The following SESN2 variants were observed in gnomAD, a reference collection of about 807,000 sequenced individuals.
SESN2 encodes sestrin 2.
Under a neutral mutation model 56.0 loss-of-function variants are expected in SESN2, and 42 were observed. The ratio of observed to expected loss-of-function variants is 0.75; its 90% CI spans 0.59 to 0.97. The LOEUF is 0.97. Ranked by LOEUF, SESN2 falls within the 50% of genes least tolerant of loss-of-function variation. SESN2 has a pLI of 0.00. For missense variants in SESN2, 507 were observed against 649.4 expected, an observed-to-expected ratio of 0.78 and a Z score of 2.38; for synonymous variants, 264 against 267.1, an observed-to-expected ratio of 0.99 and a Z score of 0.11.
At chr1:28,264,552 C>T (rs1647493393) in intron 1 of SESN2, among the ~76,000 whole-genome samples, 1 of 128,904 alleles carries the variant, frequency 7.8e-6, no homozygotes, top group Non-Finnish European at 1.6e-5. Flanking sequence ...CCTGACCCCT[C>T]TGTGTTGCAC....
intron 9 of SESN2, among the ~76,000 whole-genome samples, chr1:28,280,227 A>G (rs1016773869): frequency 1.3e-5 from 2 of 152,096 alleles, no homozygotes; most frequent in Admixed American, 6.6e-5. Flanking sequence ...GGGAATAAAT[A>G]CTGCTGTATT....
chr1:28,272,069 G>A (rs930705873), intron 3 of SESN2, among the ~76,000 whole-genome samples, 198 bp downstream of exon 3: 2 of 152,126 alleles, frequency 1.3e-5, no homozygotes, highest in Admixed American at 1.3e-4. Flanking sequence ...GAAAGGCATC[G>A]TTAGTGCTTG....
chr1:28,260,419 C>T (rs1242073594), intron 1 of SESN2, among the ~76,000 whole-genome samples: 1 of 152,114 alleles, frequency 6.6e-6, no homozygotes, highest in Admixed American at 6.5e-5. Flanking sequence ...GGCTCCTGTC[C>T]CCCAGCGCGG....
chr1:28,279,648 C>T (rs1447016639), intron 9 of SESN2, among the ~76,000 whole-genome samples: 5 of 150,958 alleles, frequency 3.3e-5, no homozygotes, highest in Admixed American at 1.3e-4. Context: ...CAAGTTCAAG[C>T]GATTCTCCTG....
intron 1 of SESN2, among the ~76,000 whole-genome samples, chr1:28,265,862 A>G (rs1294883101): frequency 6.6e-6 from 1 of 152,052 alleles, no homozygotes; most frequent in Non-Finnish European, 1.5e-5. Flanking sequence ...TCTTCTCATC[A>G]TTTAGATAAC....
At position 28,273,356 on chromosome 1, in the gene SESN2, A is replaced by G. The variant is rs113780253; in HGVS notation, c.751-2A>G. 6.3e-7 allele frequency: 1 copy of G among 1,584,516 alleles called. No individual in the cohort carries two copies. Among genetic ancestry groups the G allele is most frequent in the Non-Finnish European group, 8.6e-7 (1 of 1,164,936 alleles). ...CTGGTCACCACGGGGCCTCTCCTGC[A>G]GGGCTTTGAGTCTGCCCGCGACGTG... On this transcript the variant is annotated splice_acceptor_variant, in intron 5 of 9. Transcript: ENST00000253063. LOFTEE classifies it high-confidence loss of function.
chr1:28,276,898 AATTT>A (rs1188851601), intron 8 of SESN2, among the ~76,000 whole-genome samples: 1 of 96,094 alleles, frequency 1.0e-5, no homozygotes, highest in Non-Finnish European at 2.1e-5. Flanking sequence ...TTTTTTTTTT[AATTT>A]ATTTATTTAT....
chr1:28,267,340 A>G (rs1303983960), intron 1 of SESN2, among the ~76,000 whole-genome samples: 1 of 152,200 alleles, frequency 6.6e-6, no homozygotes, highest in Non-Finnish European at 1.5e-5. Flanking sequence ...CCAGTTTAGT[A>G]GGTAAAGAGA....
In SESN2 at chr1:28,272,760, C is replaced by T. The variant is rs781477569; in HGVS notation, c.717C>T (p.Ser239=). ...CTACACCCCCTAGTGAACAGAGCAG[C>T]CCCCCAAGCAGGGACCCGTTGAACA... ...QAPTPPSEQS[S]PPSRDPLNNS... The change falls in exon 5 of 10, where the codon AGC becomes AGT. Residue 239 remains serine (S), a synonymous_variant. Coordinates refer to ENST00000253063, the MANE Select transcript of SESN2 (RefSeq NM_031459.5). 1.2e-6 allele frequency: 2 copies of T among 1,606,290 alleles called. No individual in the cohort carries two copies. Among genetic ancestry groups the T allele is most frequent in the East Asian group, 2.2e-5 (1 of 44,828 alleles).
Position 28,271,647 on chromosome 1 carries a change from C to G in SESN2, c.157-27C>G, listed in dbSNP as rs777797835. The G allele has an allele frequency of 9.4e-6, 15 of 1,590,116 alleles. No individual in the cohort carries two copies. The South Asian group carries it at 1.4e-4, about 15-fold the overall frequency. On this transcript the variant is annotated intron_variant, in intron 2 of 9. Transcript: ENST00000253063. ...TGATGAGTGGGGCAGGAGGGAAACCCATGCTCTCCTCCCCTTTGGTTGGCA... is the reference window on the plus strand; with the variant it reads ...TGATGAGTGGGGCAGGAGGGAAACCGATGCTCTCCTCCCCTTTGGTTGGCA...
In SESN2 at chr1:28,271,878, C is replaced by G. The variant is rs1201526933; in HGVS notation, c.354+7C>G. On this transcript the variant is annotated splice_region_variant and intron_variant, in intron 3 of 9. Transcript: ENST00000253063. Reference sequence around the variant, plus strand: ...CCACTACATTGCCATCATGGTGAGCCTCTCTGGGCCTGACACTTGGAGAGG... The same window carrying G: ...CCACTACATTGCCATCATGGTGAGCGTCTCTGGGCCTGACACTTGGAGAGG... 1.2e-6 allele frequency: 2 copies of G among 1,613,742 alleles called. No individual in the cohort carries two copies. Among genetic ancestry groups the G allele is most frequent in the Admixed American group, 1.7e-5 (1 of 59,998 alleles).
chr1:28,276,878 CTTT>C (rs56403975), intron 8 of SESN2, among the ~76,000 whole-genome samples: 10 of 117,958 alleles, frequency 8.5e-5, no homozygotes, highest in Non-Finnish European at 1.8e-4. Flanking sequence ...TGCGCCCAGC[CTTT>C]TTTTTTTTTT....
At position 28,273,367 on chromosome 1, in the gene SESN2, T is replaced by G. The variant is rs182740317; in HGVS notation, c.760T>G (p.Ser254Ala). The change falls in exon 6 of 10, where the codon TCT (serine) becomes GCT (alanine). Residue 254 changes from serine to alanine, a missense_variant. By Grantham distance (99) the Ser-to-Ala change is moderately conservative. Transcript: ENST00000253063. ...DPLNNSGGFESARDVEALMER... is the reference protein window; with the variant it reads ...DPLNNSGGFEAARDVEALMER... ...GGGGCCTCTCCTGCAGGGCTTTGAGTCTGCCCGCGACGTGGAGGCGCTGAT... is the reference window on the plus strand; with the variant it reads ...GGGGCCTCTCCTGCAGGGCTTTGAGGCTGCCCGCGACGTGGAGGCGCTGAT... 16 of 1,594,324 alleles carry G rather than the reference T, an allele frequency of 1.0e-5. No individual in the cohort carries two copies. In the East Asian group the frequency reaches 3.4e-4, roughly 33 times the overall value.
intron 1 of SESN2, among the ~76,000 whole-genome samples, chr1:28,263,201 G>A (rs1288960169): frequency 6.6e-6 from 1 of 152,170 alleles, no homozygotes; most frequent in Admixed American, 6.5e-5. Flanking sequence ...AGTCAGATCT[G>A]AATTGTGCCC....
At chr1:28,260,162 C>T (rs1307716022) in intron 1 of SESN2, among the ~76,000 whole-genome samples, 1 of 148,778 alleles carries the variant, frequency 6.7e-6, no homozygotes, top group African/African-American at 2.5e-5. Flanking sequence ...CCTCCTCCCT[C>T]CCTCTCCCCC....
In SESN2 at chr1:28,280,777, G is replaced by A. The variant is rs1160449364; in HGVS notation, c.1418G>A (p.Arg473His). 2.3e-5 allele frequency: 37 copies of A among 1,613,582 alleles called. No individual in the cohort carries two copies. Among genetic ancestry groups the A allele is most frequent in the Non-Finnish European group, 2.9e-5 (34 of 1,179,952 alleles). The part of the protein sequence containing the change: ...RMQAALLYAL[R>H]AITRYMT ...CAAGCCGCTCTGCTGTACGCCCTCCGTGCCATCACCCGCTACATGACCTGA... is the reference window on the plus strand; with the variant it reads ...CAAGCCGCTCTGCTGTACGCCCTCCATGCCATCACCCGCTACATGACCTGA... Residue 473 changes from arginine to histidine, a missense_variant, in exon 10 of 10, where the codon CGT becomes CAT. Coordinates refer to ENST00000253063, the MANE Select transcript of SESN2 (RefSeq NM_031459.5).
intron 8 of SESN2, among the ~76,000 whole-genome samples, chr1:28,277,205 CTTT>C (rs35636614): frequency 1.1e-4 from 15 of 132,552 alleles, no homozygotes; most frequent in Non-Finnish European, 1.6e-4. Flanking sequence ...CTGCGCCTGG[CTTT>C]TTTTTTTTTT....
chr1:28,271,676 C>G lies in SESN2; in HGVS notation c.159C>G (p.Val53=). The part of the protein sequence containing the change: ...GPSAFIPVEE[V]LREGAESLEQ... ...CTCTCCTCCCCTTTGGTTGGCAGGT[C>G]CTTCGGGAGGGGGCTGAGAGCCTCG... Residue 53 remains valine, a splice_region_variant and synonymous_variant, in exon 3 of 10, where the codon GTC becomes GTG. Coordinates refer to ENST00000253063, the MANE Select transcript of SESN2 (RefSeq NM_031459.5). 1 of 1,613,920 alleles carries G rather than the reference C, an allele frequency of 6.2e-7. No individual in the cohort carries two copies.
intron 2 of SESN2, among the ~76,000 whole-genome samples, chr1:28,270,865 A>G (rs906721024): frequency 3.3e-5 from 5 of 152,138 alleles, no homozygotes; most frequent in African/African-American, 1.2e-4. Flanking sequence ...CACCGTGCCC[A>G]GCCCACTCTT....
Sources: gnomAD v4.1 joint callset for allele counts (sites outside exome capture counted in the v4.1 genomes callset) on GRCh38, gnomAD v4.1.1 for gene constraint, MANE v1.5 for transcripts, NCBI Gene and HGNC (gene_info 2026-07-23, HGNC 2026-07-21) for gene names.